Variants in PPFIA1 observed in about 807,000 individuals in gnomAD.
PPFIA1 encodes liprin-alpha-1.
In PPFIA1, 25 loss-of-function variants were observed where a neutral mutation model predicts 149.9. The ratio of observed to expected loss-of-function variants is 0.17; its 90% CI spans 0.12 to 0.23. The LOEUF (loss-of-function observed/expected upper bound fraction) is 0.23. Ranked by LOEUF, PPFIA1 falls within the 10% of genes least tolerant of loss-of-function variation. PPFIA1 has a pLI of 1.00. For synonymous variants in PPFIA1, 549 were observed against 552.8 expected (o/e 0.99, Z 0.10); for missense variants, 1,362 against 1,506.5 (o/e 0.90, Z 1.59).
At chr11:70,297,881 A>T (rs2136302036) in intron 2 of PPFIA1, among the ~76,000 whole-genome samples, 1 of 152,240 alleles carries the variant, frequency 6.6e-6, no homozygotes, top group Non-Finnish European at 1.5e-5. Flanking sequence ...ACCATTTCCC[A>T]TCCATAGGAA....
intron 21 of PPFIA1, among the ~76,000 whole-genome samples, chr11:70,368,272 A>G (rs1472167919): frequency 6.6e-6 from 1 of 152,230 alleles, no homozygotes; most frequent in African/African-American, 2.4e-5. Flanking sequence ...AAGGTAGTGA[A>G]GCATTTTTTT....
chr11:70,326,598 G>A lies in PPFIA1; in HGVS notation c.710G>A (p.Arg237Lys). ...QENTPSTSGKRSSDGSLSHEE... is the reference protein window; with the variant it reads ...QENTPSTSGKKSSDGSLSHEE... Reference sequence around the variant, plus strand: ...AGGATTTTTTTTTCCCCCTATCAGAGATCTTCTGATGGTTCTTTAAGCCAC... The same window carrying A: ...AGGATTTTTTTTTCCCCCTATCAGAAATCTTCTGATGGTTCTTTAAGCCAC... Residue 237 changes from arginine to lysine, a missense_variant and splice_region_variant, in exon 7 of 28, where the codon AGA becomes AAA. Physicochemically the swap from Arg to Lys is conservative, Grantham distance 26. Around this residue, in one of 7 missense-constraint regions of PPFIA1, gnomAD observed 733 missense variants for 744.1 expected, o/e 0.99. Coordinates refer to ENST00000253925, the MANE Select transcript of PPFIA1 (RefSeq NM_003626.5). 2 of 1,609,022 alleles carry A rather than the reference G, an allele frequency of 1.2e-6. No individual in the cohort carries two copies. The highest frequency in any genetic ancestry group is 1.7e-6 in the Non-Finnish European group (2 of 1,176,948).
At chr11:70,282,833 CT>C (rs59308854) in intron 2 of PPFIA1, among the ~76,000 whole-genome samples, 14,021 of 71,864 alleles carry the variant, frequency 0.2, 1,169 homozygotes, top group African/African-American at 0.38. Flanking sequence ...CCGTGCCTGG[CT>C]TTTTTTTTTT....
intron 2 of PPFIA1, among the ~76,000 whole-genome samples, chr11:70,318,035 T>TC (rs2136660013): frequency 1.3e-5 from 2 of 152,174 alleles, no homozygotes; most frequent in East Asian, 3.9e-4. Context: ...GCCTTTCAGC[T>TC]CCCTTGCCTC....
rs759392357 is a variant in PPFIA1 at position 70,279,905 on chromosome 11, A to ATGTGTGTGTGTGTG, written c.264+7482_264+7483insGTGTGTGTGTGTGT. Among the ~76,000 whole-genome samples the ATGTGTGTGTGTGTG allele has an allele frequency of 4.2e-3, 614 of 144,956 alleles. 11 individuals are homozygous for ATGTGTGTGTGTGTG. The highest frequency in any genetic ancestry group is 0.015 in the African/African-American group (577 of 37,662). On this transcript the variant is annotated intron_variant, in intron 2 of 27. Transcript: ENST00000253925. ...TGTCCGGCCTGTGTGTGTGTGGGGG[A>ATGTGTGTGTGTGTG]TGTGTGTGTGTGTATATTTTTGGGA...
chr11:70,378,301 C>A, intron 26 of PPFIA1, 106 bp downstream of exon 26: 1 of 1,419,220 alleles, frequency 7.0e-7, no homozygotes. Context: ...TGTTACAAGG[C>A]ACTTGAGTAT....
intron 14 of PPFIA1, among the ~76,000 whole-genome samples, chr11:70,339,634 T>A (rs1565416989): frequency 6.6e-6 from 1 of 151,898 alleles, no homozygotes; most frequent in Non-Finnish European, 1.5e-5. Flanking sequence ...TAGTTTTTTT[T>A]TTTTTTTCCT....
At chr11:70,322,489 G>C (rs2136739405) in intron 2 of PPFIA1, among the ~76,000 whole-genome samples, 1 of 152,264 alleles carries the variant, frequency 6.6e-6, no homozygotes, top group East Asian at 1.9e-4. Flanking sequence ...GCCCAGCCCA[G>C]GAGCCCGCTT....
At chr11:70,370,783 T>C (rs564122022) in intron 21 of PPFIA1, among the ~76,000 whole-genome samples, 87 of 152,274 alleles carry the variant, frequency 5.7e-4, no homozygotes, top group Non-Finnish European at 1.1e-3. Flanking sequence ...CACGGTATTG[T>C]TTTAACTGTT....
intron 2 of PPFIA1, among the ~76,000 whole-genome samples, chr11:70,278,566 G>A (rs555206753): frequency 6.6e-6 from 1 of 152,194 alleles, no homozygotes; most frequent in Non-Finnish European, 1.5e-5. Flanking sequence ...CTTTTACTGA[G>A]TTTATCCACC....
At chr11:70,298,555 G>T (rs1478333820) in intron 2 of PPFIA1, among the ~76,000 whole-genome samples, 1 of 152,178 alleles carries the variant, frequency 6.6e-6, no homozygotes, top group Non-Finnish European at 1.5e-5. Flanking sequence ...CCCAGGTGCT[G>T]CCAGGAAGTG....
At chr11:70,337,507 C>A in intron 12 of PPFIA1, 80 bp downstream of exon 12, 1 of 1,059,100 alleles carries the variant, frequency 9.4e-7, no homozygotes, top group Non-Finnish European at 1.4e-6. Flanking sequence ...AGATGTCTGA[C>A]AGTGGAGAGC....
rs143253514 is a variant in PPFIA1, at chr11:70,279,315, C to G, written c.264+6879C>G. On this transcript the variant is annotated intron_variant, in intron 2 of 27. Coordinates refer to ENST00000253925, the MANE Select transcript of PPFIA1 (RefSeq NM_003626.5). ...CCAGCCATTTTCAATTCTGCTGAAG[C>G]TCAAACAGGCAAGGCAGAGAAAGGA... 763 of 226,290 alleles carry G rather than the reference C, an allele frequency of 3.4e-3. 6 individuals are homozygous for G. The highest frequency in any genetic ancestry group is 0.014 in the Admixed American group (250 of 17,662). The allele number at this position is 226,290 out of a possible 1,614,324, so 14.0% of individuals were successfully genotyped here.
intron 2 of PPFIA1, among the ~76,000 whole-genome samples, chr11:70,314,488 G>A (rs2053475835): frequency 6.6e-6 from 1 of 152,100 alleles, no homozygotes; most frequent in Non-Finnish European, 1.5e-5. Context: ...TTAATACTAA[G>A]CAATACAGAC....
intron 2 of PPFIA1, among the ~76,000 whole-genome samples, chr11:70,295,384 A>ACC (rs1246928808): frequency 8.8e-4 from 103 of 117,038 alleles, no homozygotes; most frequent in Non-Finnish European, 3.9e-4. Context: ...CGGGGGGCTG[A>ACC]CCCCCCCATC....
intron 23 of PPFIA1, among the ~76,000 whole-genome samples, chr11:70,373,060 G>C (rs544371782): frequency 1.3e-5 from 2 of 152,330 alleles, no homozygotes; most frequent in East Asian, 3.9e-4. Context: ...GAAGAAGGAG[G>C]AGGAGCTGCT....
rs1215775543 is a variant in PPFIA1, at chr11:70,326,693, A to G, written c.805A>G (p.Met269Val). ...ISKQSREQSQ[M>V]KERLASLSSH... ...TAAGCAGTCAAGGGAACAGAGCCAA[A>G]TGAAAGAACGCCTGGCTTCCCTTTC... Residue 269 changes from methionine to valine, a missense_variant, in exon 7 of 28, where the codon ATG (methionine) becomes GTG (valine). Transcript: ENST00000253925. The G allele has an allele frequency of 6.2e-7, 1 of 1,614,198 alleles. No individual in the cohort carries two copies. Among genetic ancestry groups the G allele is most frequent in the Non-Finnish European group, 8.5e-7 (1 of 1,180,006 alleles).
intron 9 of PPFIA1, chr11:70,333,088 C>G (rs1408576167): frequency 6.5e-6 from 3 of 463,872 alleles, no homozygotes; most frequent in Non-Finnish European, 1.3e-5. Context: ...TACTTCCAAG[C>G]TTAGGAAGGT....
intron 26 of PPFIA1, among the ~76,000 whole-genome samples, chr11:70,379,689 C>T (rs1201748837): frequency 6.6e-6 from 1 of 151,672 alleles, no homozygotes; most frequent in Non-Finnish European, 1.5e-5. Context: ...CCCTCCCGTA[C>T]GTAGGTTCAT....
Sources: gnomAD v4.1 joint callset for allele counts (sites outside exome capture counted in the v4.1 genomes callset) on GRCh38, gnomAD v4.1.1 for gene constraint, gnomAD v4.1.1 regional missense constraint, MANE v1.5 for transcripts, NCBI Gene and HGNC (gene_info 2026-07-23, HGNC 2026-07-21) for gene names.